CHKA: variants seen among roughly 807,000 people sequenced by gnomAD.
CHKA encodes choline kinase alpha.
In CHKA, 34 loss-of-function variants were observed where a neutral mutation model predicts 60.1. The ratio of observed to expected loss-of-function variants is 0.57; its 90% confidence interval spans 0.43 to 0.75. CHKA has a LOEUF of 0.75. Ranked by LOEUF, CHKA falls within the 30% of genes least tolerant of loss-of-function variation. The pLI is 0.00. For synonymous variants in CHKA, 217 were observed against 223.1 expected (o/e 0.97, Z 0.24); for missense variants, 563 against 561.3 (o/e 1.00, Z -0.03).
intron 1 of CHKA, among the ~76,000 whole-genome samples, chr11:68,113,163 A>C (rs919069085): frequency 5.3e-5 from 8 of 150,516 alleles, no homozygotes; most frequent in Non-Finnish European, 8.9e-5. Context: ...TAAAATGGGC[A>C]AGAAGCTCTG....
chr11:68,092,463 G>C (rs1245470837), intron 2 of CHKA, among the ~76,000 whole-genome samples: 2 of 152,154 alleles, frequency 1.3e-5, no homozygotes, highest in Non-Finnish European at 2.9e-5. Flanking sequence ...AAACTTTAAA[G>C]CTGATTTGAA....
At chr11:68,067,112 C>T (rs898421120) in intron 7 of CHKA, among the ~76,000 whole-genome samples, 2 of 152,204 alleles carry the variant, frequency 1.3e-5, no homozygotes, top group Non-Finnish European at 2.9e-5. Flanking sequence ...AGCCATCAGC[C>T]TGGCTCTGCA....
At position 68,097,097 on chromosome 11, in the gene CHKA, G is replaced by A. The variant is rs1289226481; in HGVS notation, c.384C>T (p.Ser128=). 3.1e-6 allele frequency: 5 copies of A among 1,613,760 alleles called. No homozygotes were observed. The highest frequency in any genetic ancestry group is 3.4e-6 in the Non-Finnish European group (4 of 1,179,838). ...CAAGGGTGGCTGTGGTGTCAGGTAG[G>A]GAGCACTGGAACAGCATGTTGCTAA... is the stretch of plus-strand genomic sequence containing the variant. ...GGLSNMLFQC[S]LPDTTATLGD... The change falls in exon 2 of 12, where the codon TCC becomes TCT. Residue 128 remains serine, a synonymous_variant. Coordinates refer to ENST00000265689, the MANE Select transcript of CHKA (RefSeq NM_001277.3).
rs1057014990 is a variant in CHKA at position 68,084,438 on chromosome 11, G to A, written c.463-2981C>T. On this transcript the variant is annotated intron_variant, in intron 2 of 11. Coordinates refer to ENST00000265689, the MANE Select transcript of CHKA (RefSeq NM_001277.3). ...TATATATATATACACATATATATAC[G>A]TATATATATGTGTGTATATATATAT... is the stretch of plus-strand genomic sequence containing the variant. 1.3e-4 allele frequency among the ~76,000 whole-genome samples: 16 copies of A among 126,370 alleles called. No individual in the cohort carries two copies. The South Asian group carries it at 1.8e-3, about 14-fold the overall frequency. 82.9% of individuals were successfully genotyped at this position (126,370 alleles called of 152,430 possible).
At chr11:68,107,836 C>G (rs1857972133) in intron 1 of CHKA, among the ~76,000 whole-genome samples, 1 of 152,202 alleles carries the variant, frequency 6.6e-6, no homozygotes, top group Non-Finnish European at 1.5e-5. Flanking sequence ...TCATAAAGTG[C>G]TTGCATCCCT....
chr11:68,066,416 T>C lies in CHKA; in HGVS notation c.1016+13A>G. ...CAATATTGAGATGGAAACACTGGAC[T>C]GTAACACAGTACCTGTAATTGTAAC... On this transcript the variant is annotated intron_variant, in intron 8 of 11. Transcript: ENST00000265689. 8 of 1,578,754 alleles carry C rather than the reference T, an allele frequency of 5.1e-6. No individual in the cohort carries two copies. The highest frequency in any genetic ancestry group is 7.0e-6 in the Non-Finnish European group (8 of 1,147,890).
intron 1 of CHKA, among the ~76,000 whole-genome samples, chr11:68,113,081 C>CAAAAAA (rs71040587): frequency 0.066 from 949 of 14,470 alleles, 260 homozygotes; most frequent in Non-Finnish European, 0.083. Flanking sequence ...GACTCCGTCT[C>CAAAAAA]AAAAAAAAAA....
At chr11:68,096,269 G>T (rs1222577030) in intron 2 of CHKA, among the ~76,000 whole-genome samples, 1 of 151,928 alleles carries the variant, frequency 6.6e-6, no homozygotes, top group East Asian at 1.9e-4. Context: ...GCTTAGGCAG[G>T]AGAATCACTT....
chr11:68,090,079 A>G (rs1251663568), intron 2 of CHKA, among the ~76,000 whole-genome samples: 1 of 152,232 alleles, frequency 6.6e-6, no homozygotes, highest in African/African-American at 2.4e-5. Flanking sequence ...GACACTCTGA[A>G]TATGTAAAAA....
chr11:68,087,963 A>C (rs543644163), intron 2 of CHKA, among the ~76,000 whole-genome samples: 3 of 152,068 alleles, frequency 2.0e-5, no homozygotes, highest in African/African-American at 7.2e-5. Context: ...AAATACAAAA[A>C]TTAGTCAGGT....
intron 4 of CHKA, among the ~76,000 whole-genome samples, chr11:68,071,214 G>C (rs533563524): frequency 6.6e-6 from 1 of 152,202 alleles, no homozygotes; most frequent in Admixed American, 6.5e-5. Context: ...CATGTCTTCA[G>C]CAGTTTATCA....
At chr11:68,100,888 A>C (rs1283016557) in intron 1 of CHKA, among the ~76,000 whole-genome samples, 1 of 145,068 alleles carries the variant, frequency 6.9e-6, no homozygotes, top group Non-Finnish European at 1.5e-5. Flanking sequence ...TCAACCCATG[A>C]TTCCTTAAAA....
At chr11:68,061,095 G>GT (rs757176198) in intron 11 of CHKA, among the ~76,000 whole-genome samples, 1,310 of 70,892 alleles carry the variant, frequency 0.018, 253 homozygotes, top group African/African-American at 0.054. Flanking sequence ...GTCAGTGACA[G>GT]TTTTTTTTTT....
chr11:68,092,536 A>G (rs775920393), intron 2 of CHKA, among the ~76,000 whole-genome samples: 6 of 152,198 alleles, frequency 3.9e-5, no homozygotes, highest in Non-Finnish European at 7.3e-5. Context: ...TCTAAAGCAC[A>G]CAGCAGCTGT....
At chr11:68,120,459 A>C (rs181426211) in intron 1 of CHKA, among the ~76,000 whole-genome samples, 4 of 152,340 alleles carry the variant, frequency 2.6e-5, no homozygotes, top group Admixed American at 1.3e-4. Flanking sequence ...GCCAGCCACA[A>C]CACCTTCATT....
chr11:68,118,837 C>A (rs527374448), intron 1 of CHKA, among the ~76,000 whole-genome samples: 5 of 152,256 alleles, frequency 3.3e-5, no homozygotes, highest in African/African-American at 1.2e-4. Flanking sequence ...GAGCAAAATG[C>A]AAAAGTTTAA....
chr11:68,095,441 T>C (rs1857469098), intron 2 of CHKA, among the ~76,000 whole-genome samples: 1 of 118,938 alleles, frequency 8.4e-6, no homozygotes, highest in Admixed American at 1.0e-4. Context: ...CCAGGCACGG[T>C]GGCTCACACC....
chr11:68,060,607 G>A (rs940910431), intron 11 of CHKA, among the ~76,000 whole-genome samples: 8 of 152,176 alleles, frequency 5.3e-5, no homozygotes, highest in African/African-American at 7.2e-5. Flanking sequence ...CACTGCAACC[G>A]GCCGAGATCA....
intron 1 of CHKA, among the ~76,000 whole-genome samples, chr11:68,103,322 C>T (rs1857795596): frequency 6.6e-6 from 1 of 152,040 alleles, no homozygotes; most frequent in African/African-American, 2.4e-5. Context: ...TGCTACTGCA[C>T]TCCAGCCTGG....
Sources: allele counts gnomAD v4.1 joint callset (sites outside exome capture counted in the v4.1 genomes callset), GRCh38; gene constraint gnomAD v4.1.1; transcripts MANE v1.5; gene names NCBI Gene and HGNC (gene_info 2026-07-23, HGNC 2026-07-21).